Variants in NFATC1 observed in about 807,000 individuals in gnomAD.
NFATC1 encodes nuclear factor of activated T-cells, cytoplasmic 1.
Under a neutral mutation model 76.0 loss-of-function variants are expected in NFATC1, and 22 were observed. That is an observed-to-expected ratio of 0.29 (90% CI 0.21 to 0.41). The LOEUF (loss-of-function observed/expected upper bound fraction) is 0.41, where lower values mean the gene tolerates loss of function less well. Ranked by LOEUF, NFATC1 falls within the 10% of genes least tolerant of loss-of-function variation. NFATC1 has a pLI of 1.00. For synonymous variants in NFATC1, 704 were observed against 613.1 expected, an observed-to-expected ratio of 1.15 and a Z score of -2.19; for missense variants, 1,357 against 1,337.7, an observed-to-expected ratio of 1.01 and a Z score of -0.23.
chr18:79,428,974 A>G (rs928926528), intron 2 of NFATC1, among the ~76,000 whole-genome samples: 1 of 152,246 alleles, frequency 6.6e-6, no homozygotes, highest in Non-Finnish European at 1.5e-5. Flanking sequence ...TAATCCCAGC[A>G]CTTTGGGAGG....
At chr18:79,459,348 A>G (rs1436280873) in intron 6 of NFATC1, among the ~76,000 whole-genome samples, 1 of 152,184 alleles carries the variant, frequency 6.6e-6, no homozygotes, top group Admixed American at 6.5e-5. Flanking sequence ...TTTGCTTTTC[A>G]TGGACTCACC....
At chr18:79,520,886 G>T (rs994331043) in intron 9 of NFATC1, among the ~76,000 whole-genome samples, 1 of 112,868 alleles carries the variant, frequency 8.9e-6, no homozygotes, top group African/African-American at 3.5e-5. Flanking sequence ...TGGTGTGTGT[G>T]TCTGTGTGTG....
chr18:79,473,048 C>T (rs2088851431), intron 8 of NFATC1, among the ~76,000 whole-genome samples: 1 of 152,260 alleles, frequency 6.6e-6, no homozygotes, highest in South Asian at 2.1e-4. Context: ...GGGACCCCTA[C>T]ACTGATGTTT....
intron 9 of NFATC1, among the ~76,000 whole-genome samples, chr18:79,513,171 C>T (rs1478683112): frequency 9.9e-5 from 15 of 152,262 alleles, no homozygotes; most frequent in Admixed American, 9.8e-4. Flanking sequence ...TGTCAACTCC[C>T]GTCGGCGTAG....
intron 2 of NFATC1, among the ~76,000 whole-genome samples, chr18:79,422,941 G>A (rs551238873): frequency 2.6e-5 from 4 of 152,062 alleles, no homozygotes; most frequent in Non-Finnish European, 4.4e-5. Context: ...CCTCGGGGGC[G>A]GGGGTTCAGG....
rs552741693 is a variant in NFATC1 at position 79,484,246 on chromosome 18, C to T, written c.2093-2002C>T. Among the ~76,000 whole-genome samples, 6 of 152,242 alleles carry T rather than the reference C, an allele frequency of 3.9e-5. No homozygotes were observed. In the South Asian group the frequency reaches 1.0e-3, roughly 26 times the overall value. Reference sequence around the variant, plus strand: ...GAGTTCACTGTGGCTGGACTTGCCCCAGGCCAAAGGCTGGGAATGCCTGGG... The same window carrying T: ...GAGTTCACTGTGGCTGGACTTGCCCTAGGCCAAAGGCTGGGAATGCCTGGG... On this transcript the variant is annotated intron_variant, in intron 8 of 9. Coordinates refer to ENST00000427363, the MANE Select transcript of NFATC1 (RefSeq NM_001278669.2).
intron 9 of NFATC1, among the ~76,000 whole-genome samples, chr18:79,520,436 C>A (rs2090491019): frequency 6.6e-6 from 1 of 151,900 alleles, no homozygotes; most frequent in East Asian, 1.9e-4. Context: ...CTGCCTCCCC[C>A]ACCCCCACAT....
chr18:79,526,079 G>A (rs970309059), intron 9 of NFATC1, among the ~76,000 whole-genome samples: 3 of 152,258 alleles, frequency 2.0e-5, no homozygotes, highest in African/African-American at 4.8e-5. Flanking sequence ...GAACAGAGCC[G>A]TCTTTCTCTC....
chr18:79,482,404 G>C (rs1448691058), intron 8 of NFATC1, among the ~76,000 whole-genome samples: 6 of 128,030 alleles, frequency 4.7e-5, no homozygotes, highest in Non-Finnish European at 4.9e-5. Flanking sequence ...AGCATGACCT[G>C]GTTCCTGGGG....
intron 1 of NFATC1, among the ~76,000 whole-genome samples, chr18:79,407,951 T>C (rs538465037): frequency 1.1e-4 from 17 of 152,072 alleles, no homozygotes; most frequent in African/African-American, 4.1e-4. Context: ...TGAGAGCTTC[T>C]GGTCGCACCT....
chr18:79,464,885 TG>T (rs1204485885), intron 7 of NFATC1, among the ~76,000 whole-genome samples: 1 of 151,302 alleles, frequency 6.6e-6, no homozygotes, highest in Non-Finnish European at 1.5e-5. Flanking sequence ...TTTAAATTTT[TG>T]TAGAGATGGG....
intron 8 of NFATC1, among the ~76,000 whole-genome samples, chr18:79,476,828 G>A (rs1185190846): frequency 6.6e-6 from 1 of 152,210 alleles, no homozygotes; most frequent in East Asian, 1.9e-4. Flanking sequence ...GGAGGTCTGT[G>A]GCGTGCATGG....
intron 6 of NFATC1, among the ~76,000 whole-genome samples, chr18:79,454,037 C>T (rs569401214): frequency 1.3e-5 from 2 of 152,336 alleles, no homozygotes; most frequent in Admixed American, 1.3e-4. Context: ...CTCTCGTTTT[C>T]TGATGGGATC....
Position 79,528,130 on chromosome 18 carries a change from G to T in NFATC1, c.*553G>T. On this transcript the variant is annotated 3_prime_UTR_variant, in exon 10 of 10. Transcript: ENST00000427363. ...TTTGGAACGTTTCCTGGGCTGTCAC[G>T]TACACTCCTGCTGCCTTACACAGTG... 1 of 396,222 alleles carries T rather than the reference G, an allele frequency of 2.5e-6. No individual in the cohort carries two copies. The highest frequency in any genetic ancestry group is 4.4e-6 in the Non-Finnish European group (1 of 225,082). 24.5% of individuals were successfully genotyped at this position (396,222 alleles called of 1,614,324 possible).
Position 79,461,361 on chromosome 18 carries a change from A to C in NFATC1, c.1954A>C (p.Lys652Gln), listed in dbSNP as rs760665944. ...MEAKTDRDLC[K>Q]PNSLVVEIPP... ...AGCGAAAACTGACCGGGACCTGTGC[A>C]AGCCGGTGAGTGCCTTTGGCGCAGC... Residue 652 changes from lysine to glutamine, a missense_variant, in exon 7 of 10, where the codon AAG (lysine) becomes CAG (glutamine). By Grantham distance (53) the Lys-to-Gln change is moderately conservative. Coordinates refer to ENST00000427363, the MANE Select transcript of NFATC1 (RefSeq NM_001278669.2). 1.1e-5 allele frequency: 17 copies of C among 1,479,370 alleles called. No individual in the cohort carries two copies. Among genetic ancestry groups the C allele is most frequent in the Non-Finnish European group, 1.5e-5 (17 of 1,125,850 alleles). The allele number at this position is 1,479,370 out of a possible 1,614,324, so 91.6% of individuals were successfully genotyped here. A position where few individuals can be genotyped will look rare whatever the true frequency, so the allele number is the denominator to read the frequency against.
intron 9 of NFATC1, among the ~76,000 whole-genome samples, chr18:79,526,508 G>A (rs933291926): frequency 1.3e-5 from 2 of 152,168 alleles, no homozygotes; most frequent in Non-Finnish European, 2.9e-5. Context: ...TGCTGCTGGC[G>A]GGGCCGGGCA....
At chr18:79,455,017 C>G (rs554804603) in intron 6 of NFATC1, among the ~76,000 whole-genome samples, 4 of 152,174 alleles carry the variant, frequency 2.6e-5, no homozygotes, top group African/African-American at 9.7e-5. Context: ...ACGAAACGCC[C>G]GAAGAACGCC....
chr18:79,448,721 C>A, intron 3 of NFATC1, 61 bp from the exon 4 acceptor site: 31 of 1,549,532 alleles, frequency 2.0e-5, no homozygotes, highest in Non-Finnish European at 2.7e-5. Context: ...CTCTGCGTTC[C>A]GGTGACTCCC....
chr18:79,414,652 T>C (rs184760414), intron 2 of NFATC1, among the ~76,000 whole-genome samples: 58 of 152,356 alleles, frequency 3.8e-4, no homozygotes, highest in African/African-American at 1.2e-3. Flanking sequence ...ATGATGTGTC[T>C]ATTGTCAAAG....
Sources: allele counts gnomAD v4.1 joint callset (sites outside exome capture counted in the v4.1 genomes callset), GRCh38; gene constraint gnomAD v4.1.1; transcripts MANE v1.5; gene names NCBI Gene and HGNC (gene_info 2026-07-23, HGNC 2026-07-21).